Variants in SDC2 observed in about 807,000 individuals in gnomAD.
SDC2 encodes the protein syndecan-2.
A neutral mutation model predicts 22.2 loss-of-function variants in SDC2; 13 were observed. That is an observed-to-expected ratio of 0.59 (90% confidence interval 0.38 to 0.93). The LOEUF is 0.93. Ranked by LOEUF, SDC2 falls within the 40% of genes least tolerant of loss-of-function variation. The probability of loss-of-function intolerance (pLI) is 0.00; values close to 1 mark genes in which losing one functional copy is unlikely to be tolerated. For missense variants in SDC2, 235 were observed against 246.8 expected (o/e 0.95, Z 0.32); for synonymous variants, 94 against 92.8 (o/e 1.01, Z -0.07).
chr8:96,498,458 T>C, intron 1 of SDC2, among the ~76,000 whole-genome samples: 1 of 149,940 alleles, frequency 6.7e-6, no homozygotes, highest in South Asian at 2.1e-4. Flanking sequence ...GGTCCCTTCC[T>C]GCAGCGCTAA....
chr8:96,587,080 G>A (rs1011313976), intron 1 of SDC2, among the ~76,000 whole-genome samples: 1 of 152,032 alleles, frequency 6.6e-6, no homozygotes, highest in African/African-American at 2.4e-5. Flanking sequence ...CTGCTACCAC[G>A]CCTGGCTAAT....
At chr8:96,598,169 G>A (rs935531781) in intron 2 of SDC2, among the ~76,000 whole-genome samples, 6 of 152,066 alleles carry the variant, frequency 3.9e-5, no homozygotes, top group African/African-American at 9.7e-5. Flanking sequence ...GCCTCTTTCC[G>A]AAGGGCACTA....
At chr8:96,549,644 T>C (rs924232641) in intron 1 of SDC2, among the ~76,000 whole-genome samples, 2 of 152,218 alleles carry the variant, frequency 1.3e-5, no homozygotes, top group African/African-American at 4.8e-5. Context: ...TCATGGTACC[T>C]TGCATCAAGG....
intron 1 of SDC2, among the ~76,000 whole-genome samples, chr8:96,497,396 C>G (rs1813092807): frequency 6.6e-6 from 1 of 152,150 alleles, no homozygotes; most frequent in Non-Finnish European, 1.5e-5. Context: ...CTTGAAAGAT[C>G]AGGCTTGCAG....
intron 1 of SDC2, among the ~76,000 whole-genome samples, chr8:96,575,098 C>T (rs1011678097): frequency 2.0e-5 from 3 of 152,188 alleles, no homozygotes; most frequent in Non-Finnish European, 4.4e-5. Context: ...GCTGTGCAGC[C>T]TGGTTCCTAA....
intron 1 of SDC2, among the ~76,000 whole-genome samples, chr8:96,574,331 G>A (rs967531070): frequency 1.3e-5 from 2 of 152,172 alleles, no homozygotes; most frequent in Non-Finnish European, 2.9e-5. Flanking sequence ...AGAGAAAGAA[G>A]TGAGATCACA....
At chr8:96,539,070 T>C (rs550951441) in intron 1 of SDC2, among the ~76,000 whole-genome samples, 2 of 152,378 alleles carry the variant, frequency 1.3e-5, no homozygotes, top group African/African-American at 2.4e-5. Context: ...AAGCAACATA[T>C]AAATTTTGTC....
At chr8:96,550,238 C>A (rs1814005592) in intron 1 of SDC2, among the ~76,000 whole-genome samples, 1 of 152,126 alleles carries the variant, frequency 6.6e-6, no homozygotes. Flanking sequence ...ATCCAAAAAT[C>A]TGAAATGCTC....
intron 1 of SDC2, among the ~76,000 whole-genome samples, chr8:96,559,697 C>G (rs1349741719): frequency 6.6e-6 from 1 of 151,964 alleles, no homozygotes; most frequent in Non-Finnish European, 1.5e-5. Context: ...TTATAGAGTG[C>G]AAGTAGGTCT....
At chr8:96,548,420 T>G (rs1422253678) in intron 1 of SDC2, among the ~76,000 whole-genome samples, 2 of 152,120 alleles carry the variant, frequency 1.3e-5, no homozygotes, top group Non-Finnish European at 2.9e-5. Flanking sequence ...ATTTTCAGAT[T>G]TGGGATTCTC....
intron 1 of SDC2, among the ~76,000 whole-genome samples, chr8:96,541,009 AT>A (rs1212653882): frequency 1.3e-4 from 20 of 152,338 alleles, no homozygotes; most frequent in African/African-American, 4.8e-4. Flanking sequence ...ATTCTGTCAA[AT>A]TTAAGGAGAC....
At chr8:96,565,083 G>GTTTTTTTTTTTTTTTTTTTTTTTTT (rs1563663668) in intron 1 of SDC2, among the ~76,000 whole-genome samples, 1 of 15,928 alleles carries the variant, frequency 6.3e-5, no homozygotes, top group African/African-American at 2.6e-4. Flanking sequence ...TCCTAAATTT[G>GTTTTTTTTTTTTTTTTTTTTTTTTT]ATTTTTTTTT....
intron 1 of SDC2, among the ~76,000 whole-genome samples, chr8:96,507,011 G>GA (rs3065030): frequency 0.015 from 1,638 of 111,334 alleles, 23 homozygotes; most frequent in African/African-American, 0.043. Flanking sequence ...TCTGTCTCAG[G>GA]AAAAAAAAAA....
At chr8:96,519,619 A>G (rs1813462866) in intron 1 of SDC2, among the ~76,000 whole-genome samples, 1 of 152,144 alleles carries the variant, frequency 6.6e-6, no homozygotes, top group African/African-American at 2.4e-5. Flanking sequence ...AAAAAAATTA[A>G]ATCGCAATTT....
intron 2 of SDC2, among the ~76,000 whole-genome samples, chr8:96,598,078 T>C (rs1030710674): frequency 6.6e-6 from 1 of 152,152 alleles, no homozygotes; most frequent in Non-Finnish European, 1.5e-5. Context: ...TGGTGTCTGG[T>C]GAGGGCTTTC....
intron 1 of SDC2, among the ~76,000 whole-genome samples, chr8:96,573,859 A>G (rs1164729536): frequency 6.6e-6 from 1 of 152,038 alleles, no homozygotes; most frequent in African/African-American, 2.4e-5. Context: ...TTCACCAAAG[A>G]TTCTTTATAA....
rs1331336531 is a variant in SDC2 at position 96,493,864 on chromosome 8, C to T, written c.-408C>T. 5 of 177,332 alleles carry T rather than the reference C, an allele frequency of 2.8e-5. No individual in the cohort carries two copies. Among genetic ancestry groups the T allele is most frequent in the African/African-American group, 4.7e-5 (2 of 42,156 alleles). 11.0% of individuals were successfully genotyped at this position (177,332 alleles called of 1,614,324 possible). ...GGATCGCGCGCTCCCGCCGCTCTGC[C>T]CCTAAACTTCTGCCGTAGCTCCCTT... On this transcript the variant is annotated 5_prime_UTR_variant, in exon 1 of 5. Transcript: ENST00000302190.
chr8:96,500,419 T>A (rs1813143001), intron 1 of SDC2, among the ~76,000 whole-genome samples: 1 of 152,050 alleles, frequency 6.6e-6, no homozygotes, highest in South Asian at 2.1e-4. Flanking sequence ...CCCAGCACTT[T>A]GGGAGGCCGA....
intron 1 of SDC2, among the ~76,000 whole-genome samples, chr8:96,574,587 A>T (rs1814455551): frequency 6.6e-6 from 1 of 152,152 alleles, no homozygotes; most frequent in South Asian, 2.1e-4. Flanking sequence ...CATTAGCTGA[A>T]ATAACAGCCA....
Sources: gnomAD v4.1 joint callset for allele counts (sites outside exome capture counted in the v4.1 genomes callset) on GRCh38, gnomAD v4.1.1 for gene constraint, MANE v1.5 for transcripts, NCBI Gene and HGNC (gene_info 2026-07-23, HGNC 2026-07-21) for gene names.